Variants in CCSER1 observed in about 807,000 individuals in gnomAD.
CCSER1 encodes the protein coiled-coil serine rich protein 1.
A neutral mutation model predicts 82.0 loss-of-function variants in CCSER1; 41 were observed. The ratio of observed to expected loss-of-function variants is 0.50; its 90% CI spans 0.39 to 0.65. The LOEUF (loss-of-function observed/expected upper bound fraction) is 0.65, where lower values mean the gene tolerates loss of function less well. Ranked by LOEUF, CCSER1 falls within the 30% of genes least tolerant of loss-of-function variation. The pLI is 0.00. For missense variants in CCSER1, 1,119 were observed against 1,064.2 expected, an observed-to-expected ratio of 1.05 and a Z score of -0.72; for synonymous variants, 414 against 383.9, an observed-to-expected ratio of 1.08 and a Z score of -0.92.
At chr4:91,166,000 C>T (rs190447999) in intron 10 of CCSER1, among the ~76,000 whole-genome samples, 5 of 152,282 alleles carry the variant, frequency 3.3e-5, no homozygotes, top group Admixed American at 2.0e-4. Flanking sequence ...CAGAAATCAC[C>T]GTTTTCTGCG....
intron 10 of CCSER1, among the ~76,000 whole-genome samples, chr4:91,161,533 G>A (rs1484906243): frequency 6.6e-6 from 1 of 152,162 alleles, no homozygotes; most frequent in Non-Finnish European, 1.5e-5. Context: ...TGCTGTACAT[G>A]AGCATGGAAT....
intron 10 of CCSER1, among the ~76,000 whole-genome samples, chr4:91,251,475 C>A (rs1740254713): frequency 6.6e-6 from 1 of 152,060 alleles, no homozygotes; most frequent in Admixed American, 6.5e-5. Flanking sequence ...AGTCACATAG[C>A]AGATAATGAG....
In CCSER1 at chr4:91,602,882, T is replaced by A. The variant is rs1180954832; in HGVS notation, c.*3825T>A. 6.6e-6 allele frequency among the ~76,000 whole-genome samples: 1 copy of A among 152,070 alleles called. No homozygotes were observed. Among genetic ancestry groups the A allele is most frequent in the Non-Finnish European group, 1.5e-5 (1 of 67,950 alleles). On this transcript the variant is annotated 3_prime_UTR_variant, in exon 11 of 11. Coordinates refer to ENST00000509176, the MANE Select transcript of CCSER1 (RefSeq NM_001145065.2). ...ATTTATACCAGGATTTTGATTGCTA[T>A]CTAAGACTTGACTTTATTTAGGCAT... is the stretch of plus-strand genomic sequence containing the variant.
Position 90,800,262 on chromosome 4 carries a change from C to T in CCSER1, c.2011-15500C>T, listed in dbSNP as rs546092352. Among the ~76,000 whole-genome samples, 100 of 151,992 alleles carry T rather than the reference C, an allele frequency of 6.6e-4. 1 individual carries two copies. Among genetic ancestry groups the T allele is most frequent in the African/African-American group, 2.1e-3 (89 of 41,472 alleles). On this transcript the variant is annotated intron_variant, in intron 7 of 10. Coordinates refer to ENST00000509176, the MANE Select transcript of CCSER1 (RefSeq NM_001145065.2). ...GTTTTAAACCATTTTTTCTTTTCTT[C>T]TTCTTATCATTATTATTTTTTGTAG...
chr4:90,492,342 A>T (rs374447570), intron 5 of CCSER1, among the ~76,000 whole-genome samples: 1 of 151,970 alleles, frequency 6.6e-6, no homozygotes, highest in East Asian at 1.9e-4. Flanking sequence ...TAGTTTGTAT[A>T]TCTGTGGGAT....
chr4:91,300,488 C>A (rs1206396542), intron 10 of CCSER1, among the ~76,000 whole-genome samples: 1 of 151,560 alleles, frequency 6.6e-6, no homozygotes, highest in African/African-American at 2.4e-5. Flanking sequence ...GAGACATATG[C>A]CTCAGGTAGA....
intron 10 of CCSER1, among the ~76,000 whole-genome samples, chr4:91,336,775 A>G (rs1217190332): frequency 6.6e-6 from 1 of 152,084 alleles, no homozygotes; most frequent in Non-Finnish European, 1.5e-5. Context: ...ATCTGATTAA[A>G]ATTATCTGCC....
chr4:90,702,908 C>G (rs991440134), intron 6 of CCSER1, among the ~76,000 whole-genome samples: 25 of 152,170 alleles, frequency 1.6e-4, no homozygotes, highest in African/African-American at 5.8e-4. Context: ...TTTTGTTGAT[C>G]TTTTCAAAAA....
At chr4:91,182,328 C>T (rs1734120064) in intron 10 of CCSER1, among the ~76,000 whole-genome samples, 1 of 152,156 alleles carries the variant, frequency 6.6e-6, no homozygotes, top group Non-Finnish European at 1.5e-5. Flanking sequence ...TACCTATTTC[C>T]CAAATTTTGT....
At position 90,308,822 on chromosome 4, in the gene CCSER1, C is replaced by A. The variant is rs759686808; in HGVS notation, c.538C>A (p.Leu180Ile). The change falls in exon 2 of 11, where the codon CTA becomes ATA. Residue 180 changes from leucine (L) to isoleucine (I), a missense_variant. Transcript: ENST00000509176. ...TTCTGTTAAGCAGTCAACAAGGAAG[C>A]TACTCCCTAAATCTTTTTCATCTCA... ...RRSVKQSTRK[L>I]LPKSFSSHYK... The A allele has an allele frequency of 1.2e-6, 2 of 1,613,744 alleles. No homozygotes were observed. Among genetic ancestry groups the A allele is most frequent in the Non-Finnish European group, 1.7e-6 (2 of 1,179,800 alleles).
intron 1 of CCSER1, among the ~76,000 whole-genome samples, chr4:90,276,301 TC>T (rs1560930251): frequency 2.3e-5 from 3 of 129,320 alleles, no homozygotes; most frequent in African/African-American, 9.4e-5. Context: ...CTTCCTTCCT[TC>T]CTTCCTTTCT....
chr4:91,156,395 A>C (rs1035441224), intron 10 of CCSER1, among the ~76,000 whole-genome samples: 1 of 151,676 alleles, frequency 6.6e-6, no homozygotes, highest in Non-Finnish European at 1.5e-5. Context: ...CTTTTAAAAA[A>C]ATTTTACAAC....
chr4:90,462,430 C>A (rs1270047815), intron 4 of CCSER1, among the ~76,000 whole-genome samples: 1 of 152,144 alleles, frequency 6.6e-6, no homozygotes, highest in Non-Finnish European at 1.5e-5. Context: ...TTGACTCAGA[C>A]CCATCCAGGT....
Position 91,558,103 on chromosome 4 carries a change from TA to T in CCSER1, c.2218-40461del, listed in dbSNP as rs547310996. On this transcript the variant is annotated intron_variant, in intron 10 of 10. Coordinates refer to ENST00000509176, the MANE Select transcript of CCSER1 (RefSeq NM_001145065.2). ...TAATATATTAATAATTACCTTTTAATAAAAAAAATATATTTCATTATTTTTG... is the reference window on the plus strand; with the variant it reads ...TAATATATTAATAATTACCTTTTAATAAAAAAATATATTTCATTATTTTTG... Among the ~76,000 whole-genome samples, 56 of 121,340 alleles carry T rather than the reference TA, an allele frequency of 4.6e-4. 1 individual carries two copies. In the South Asian group the frequency reaches 9.2e-3, roughly 20 times the overall value. The allele number at this position is 121,340 out of a possible 152,430, so 79.6% of individuals were successfully genotyped here.
chr4:91,226,147 T>C (rs941604296), intron 10 of CCSER1, among the ~76,000 whole-genome samples: 1 of 151,850 alleles, frequency 6.6e-6, no homozygotes, highest in African/African-American at 2.4e-5. Flanking sequence ...TAAGCAGAAT[T>C]AAATTCCTAA....
At chr4:90,724,688 GA>G (rs545845144) in intron 7 of CCSER1, 283 of 355,796 alleles carry the variant, frequency 8.0e-4, no homozygotes, top group African/African-American at 5.8e-3. Flanking sequence ...AGAGCCTGAG[GA>G]AAAAAACTTA....
intron 10 of CCSER1, among the ~76,000 whole-genome samples, chr4:91,312,633 G>A (rs916242166): frequency 1.3e-5 from 2 of 151,822 alleles, no homozygotes; most frequent in African/African-American, 4.8e-5. Context: ...TTTAAACTTG[G>A]ATTCCATACT....
At chr4:91,432,143 A>G (rs1257322989) in intron 10 of CCSER1, among the ~76,000 whole-genome samples, 1 of 152,112 alleles carries the variant, frequency 6.6e-6, no homozygotes, top group Non-Finnish European at 1.5e-5. Context: ...CCTTGTAAAG[A>G]AGGTTCTTGC....
At chr4:91,310,194 A>T (rs535696570) in intron 10 of CCSER1, among the ~76,000 whole-genome samples, 1 of 151,970 alleles carries the variant, frequency 6.6e-6, no homozygotes, top group South Asian at 2.1e-4. Flanking sequence ...GCATTCCATG[A>T]TTGTGGCTTG....
Sources: gnomAD v4.1 joint callset for allele counts (sites outside exome capture counted in the v4.1 genomes callset) on GRCh38, gnomAD v4.1.1 for gene constraint, MANE v1.5 for transcripts, NCBI Gene and HGNC (gene_info 2026-07-23, HGNC 2026-07-21) for gene names.